The following LINGO2 variants were observed in gnomAD, a reference collection of about 807,000 sequenced individuals.
LINGO2 encodes the protein leucine-rich repeat and immunoglobulin-like domain-containing nogo receptor-interacting protein 2.
LINGO2 carries 14 observed loss-of-function variants against 30.6 expected under a neutral mutation model. That is an observed-to-expected ratio of 0.46 (90% CI 0.30 to 0.72). LINGO2 has a LOEUF of 0.72. Ranked by LOEUF, LINGO2 falls within the 30% of genes least tolerant of loss-of-function variation. LINGO2 has a pLI of 0.07. For synonymous variants in LINGO2, 317 were observed against 288.5 expected, an observed-to-expected ratio of 1.10 and a Z score of -1.00; for missense variants, 729 against 751.7, an observed-to-expected ratio of 0.97 and a Z score of 0.35.
intron 2 of LINGO2, among the ~76,000 whole-genome samples, chr9:28,431,890 A>G (rs1298145834): frequency 2.1e-5 from 3 of 145,928 alleles, no homozygotes; most frequent in Non-Finnish European, 4.5e-5. Context: ...ACTTAATAGG[A>G]CATTTTTTTT....
chr9:28,042,438 T>G (rs545890549), intron 4 of LINGO2, among the ~76,000 whole-genome samples: 1 of 152,214 alleles, frequency 6.6e-6, no homozygotes, highest in African/African-American at 2.4e-5. Context: ...AGTTTGAGGA[T>G]GAGCTATGTC....
In LINGO2 at chr9:28,199,540, G is replaced by A. The variant is rs373888295; in HGVS notation, c.-87+95668C>T. On this transcript the variant is annotated intron_variant, in intron 4 of 5. Coordinates refer to ENST00000379992, the Ensembl canonical transcript of LINGO2. ...TTTTAAGTAGAGACGAGGTTTCACC[G>A]TGTTAGCCAGGATGGCCTCGATCTC... 2.6e-3 allele frequency among the ~76,000 whole-genome samples: 397 copies of A among 152,042 alleles called. 9 individuals carry two copies. The South Asian group carries it at 0.053, about 20-fold the overall frequency.
At chr9:28,932,426 C>A in the LINGO2 span, among the ~76,000 whole-genome samples, 4 of 152,148 alleles carry the variant, frequency 2.6e-5, no homozygotes, top group Non-Finnish European at 5.9e-5. Flanking sequence ...ATCCAACTAT[C>A]CACATCTTTC....
intron 4 of LINGO2, among the ~76,000 whole-genome samples, chr9:28,235,871 G>A (rs570008349): frequency 2.8e-4 from 43 of 152,260 alleles, no homozygotes; most frequent in African/African-American, 9.4e-4. Context: ...GTTATTGACC[G>A]TAAGGAGGAG....
chr9:28,353,922 A>G (rs1820037710), intron 3 of LINGO2, among the ~76,000 whole-genome samples: 1 of 152,170 alleles, frequency 6.6e-6, no homozygotes, highest in African/African-American at 2.4e-5. Flanking sequence ...CAAACACTGC[A>G]TATTCTCACT....
At chr9:28,986,962 T>G in the LINGO2 span, among the ~76,000 whole-genome samples, 142 of 152,094 alleles carry the variant, frequency 9.3e-4, 3 homozygotes, top group East Asian at 0.026. Flanking sequence ...CTGGAATTAC[T>G]CTCTTGATTT....
the LINGO2 span, among the ~76,000 whole-genome samples, chr9:28,879,016 T>G: frequency 5.3e-5 from 8 of 152,072 alleles, no homozygotes; most frequent in Non-Finnish European, 1.0e-4. Context: ...GGAAATAAAG[T>G]GTATTCAATT....
chr9:28,264,725 T>C (rs909950954), intron 4 of LINGO2, among the ~76,000 whole-genome samples: 1 of 151,960 alleles, frequency 6.6e-6, no homozygotes, highest in Admixed American at 6.6e-5. Context: ...CAGCTCTTCA[T>C]CTATAAAATG....
chr9:28,132,921 A>AC (rs945623693), intron 4 of LINGO2, among the ~76,000 whole-genome samples: 39 of 152,048 alleles, frequency 2.6e-4, no homozygotes, highest in African/African-American at 8.9e-4. Context: ...TTTTGAGCAG[A>AC]CCCCCCTTTT....
At chr9:28,936,809 G>A in the LINGO2 span, among the ~76,000 whole-genome samples, 7 of 152,142 alleles carry the variant, frequency 4.6e-5, no homozygotes, top group African/African-American at 1.7e-4. Context: ...CTGGTATAAC[G>A]ATATATCACA....
chr9:28,480,855 C>G (rs1223879790), intron 1 of LINGO2, among the ~76,000 whole-genome samples: 1 of 152,016 alleles, frequency 6.6e-6, no homozygotes, highest in Non-Finnish European at 1.5e-5. Flanking sequence ...CCTGAAGAAA[C>G]AAAAGGCATT....
At chr9:28,433,772 C>G (rs1823777534) in intron 2 of LINGO2, among the ~76,000 whole-genome samples, 1 of 151,932 alleles carries the variant, frequency 6.6e-6, no homozygotes, top group South Asian at 2.1e-4. Context: ...AATCCCACTA[C>G]TGGGTAGCTA....
intron 4 of LINGO2, among the ~76,000 whole-genome samples, chr9:28,109,950 A>T (rs1458911060): frequency 1.3e-5 from 2 of 152,136 alleles, no homozygotes; most frequent in Non-Finnish European, 2.9e-5. Context: ...AATTCTAAGC[A>T]TAAAGAACAA....
At chr9:28,420,076 A>G (rs1216401904) in intron 2 of LINGO2, among the ~76,000 whole-genome samples, 2 of 152,128 alleles carry the variant, frequency 1.3e-5, no homozygotes, top group African/African-American at 4.8e-5. Context: ...AATAGAATTC[A>G]TCTTTTTGTA....
At chr9:28,185,013 A>G (rs1371753485) in intron 4 of LINGO2, among the ~76,000 whole-genome samples, 1 of 152,200 alleles carries the variant, frequency 6.6e-6, no homozygotes, top group East Asian at 1.9e-4. Context: ...ACAGAGCTGG[A>G]TTTATGGGCA....
chr9:28,072,953 C>T (rs1825523062), intron 4 of LINGO2, among the ~76,000 whole-genome samples: 1 of 152,004 alleles, frequency 6.6e-6, no homozygotes, highest in Admixed American at 6.6e-5. Flanking sequence ...GTCTTCCCTC[C>T]AGTGTTCATG....
intron 5 of LINGO2, among the ~76,000 whole-genome samples, chr9:27,981,243 A>T (rs1435892294): frequency 6.6e-6 from 1 of 151,680 alleles, no homozygotes; most frequent in Non-Finnish European, 1.5e-5. Context: ...TTATGTGCCA[A>T]ACACTTTCCC....
intron 1 of LINGO2, among the ~76,000 whole-genome samples, chr9:28,548,072 C>T (rs377678998): frequency 1.1e-4 from 17 of 152,212 alleles, no homozygotes; most frequent in African/African-American, 3.8e-4. Context: ...AAAGCAGGAA[C>T]CTGGAGAGCT....
intron 1 of LINGO2, among the ~76,000 whole-genome samples, chr9:28,597,274 G>T (rs117049023): frequency 6.6e-6 from 1 of 152,226 alleles, no homozygotes; most frequent in East Asian, 1.9e-4. Flanking sequence ...ATCTTCAATT[G>T]CAGCAGTTTG....
Sources: allele counts gnomAD v4.1 joint callset (sites outside exome capture counted in the v4.1 genomes callset), GRCh38; gene constraint gnomAD v4.1.1; transcripts MANE v1.5; gene names NCBI Gene and HGNC (gene_info 2026-07-23, HGNC 2026-07-21).